Variants in MYOF observed in about 807,000 individuals in gnomAD.
The protein encoded by MYOF is myoferlin, also known as fer-1-like 3, myoferlin.
In MYOF, 244 loss-of-function variants were observed where a neutral mutation model predicts 284.2. That is an observed-to-expected ratio of 0.86 (90% CI 0.77 to 0.95). The LOEUF (loss-of-function observed/expected upper bound fraction) is 0.95, where lower values mean the gene tolerates loss of function less well. MYOF is among the 40% of genes least tolerant of loss of function. MYOF has a pLI of 0.00. For synonymous variants in MYOF, 904 were observed against 919.7 expected, an observed-to-expected ratio of 0.98 and a Z score of 0.31; for missense variants, 2,496 against 2,560.6, an observed-to-expected ratio of 0.97 and a Z score of 0.54.
intron 26 of MYOF, among the ~76,000 whole-genome samples, chr10:93,365,407 GTTTA>G (rs1438464396): frequency 1.3e-5 from 2 of 152,130 alleles, no homozygotes; most frequent in African/African-American, 4.8e-5. Context: ...ACCTTCTACT[GTTTA>G]TTTTTTTCTT....
At chr10:93,480,655 T>A (rs1394074936) in intron 1 of MYOF, among the ~76,000 whole-genome samples, 2 of 151,920 alleles carry the variant, frequency 1.3e-5, no homozygotes, top group East Asian at 3.9e-4. Flanking sequence ...TTTGTATTTT[T>A]AGTAGAGATG....
At position 93,482,250 on chromosome 10, in the gene MYOF, G is replaced by T; in HGVS notation, c.-56C>A. On this transcript the variant is annotated 5_prime_UTR_variant, in exon 1 of 54. Coordinates refer to ENST00000359263, the MANE Select transcript of MYOF (RefSeq NM_013451.4). ...CAAACGAAGTGGAGACTAGGGCGCT[G>T]GAGCTCCGGGTCGCACCGCCCTGGG... 6.9e-7 allele frequency: 1 copy of T among 1,446,112 alleles called. No homozygotes were observed. The highest frequency in any genetic ancestry group is 1.2e-5 in the South Asian group (1 of 85,092). 89.6% of individuals were successfully genotyped at this position (1,446,112 alleles called of 1,614,324 possible).
Position 93,393,023 on chromosome 10 carries a change from G to A in MYOF, c.1418-68C>T, listed in dbSNP as rs573712604. 2.1e-5 allele frequency: 29 copies of A among 1,411,154 alleles called. No homozygotes were observed. The South Asian group carries it at 2.6e-4, about 13-fold the overall frequency. The allele number at this position is 1,411,154 out of a possible 1,614,324, so 87.4% of individuals were successfully genotyped here. On this transcript the variant is annotated intron_variant, in intron 16 of 53. Coordinates refer to ENST00000359263, the MANE Select transcript of MYOF (RefSeq NM_013451.4). Reference sequence around the variant, plus strand: ...GCATTATAAAACAGACATTGAAAACGTTAATCAAATCCAGTGCCAGGTATG... The same window carrying A: ...GCATTATAAAACAGACATTGAAAACATTAATCAAATCCAGTGCCAGGTATG...
At position 93,369,642 on chromosome 10, in the gene MYOF, T is replaced by C. The variant is rs1845494952; in HGVS notation, c.2589+3A>G. 6.2e-7 allele frequency: 1 copy of C among 1,613,926 alleles called. No homozygotes were observed. The highest frequency in any genetic ancestry group is 1.1e-5 in the South Asian group (1 of 91,080). On this transcript the variant is annotated splice_donor_region_variant and intron_variant, in intron 25 of 53. Transcript: ENST00000359263. Reference sequence around the variant, plus strand: ...GAAAAGATAGTGAAATCATTAAAGGTACCATTTCAGCAAAGACGGTGAAAG... The same window carrying C: ...GAAAAGATAGTGAAATCATTAAAGGCACCATTTCAGCAAAGACGGTGAAAG...
At chr10:93,374,990 T>C in intron 22 of MYOF, 35 bp from the exon 23 acceptor site, 1 of 1,586,480 alleles carries the variant, frequency 6.3e-7, no homozygotes, top group Non-Finnish European at 8.6e-7. Flanking sequence ...ACAGAGGATT[T>C]GAAGAATAAC....
intron 39 of MYOF, chr10:93,338,610 C>G (rs150102882): frequency 4.6e-6 from 2 of 433,262 alleles, no homozygotes; most frequent in Non-Finnish European, 4.6e-6. Flanking sequence ...AAACGTGAAA[C>G]GAAAGGCAGG....
intron 53 of MYOF, among the ~76,000 whole-genome samples, chr10:93,309,003 C>T (rs776356028): frequency 2.6e-5 from 4 of 152,272 alleles, no homozygotes; most frequent in South Asian, 2.1e-4. Context: ...TGAGCCACCT[C>T]GCCCAGCTGA....
chr10:93,323,322 T>G lies in MYOF; in HGVS notation c.5308A>C (p.Ser1770Arg). 6.2e-7 allele frequency: 1 copy of G among 1,613,938 alleles called. No homozygotes were observed. Among genetic ancestry groups the G allele is most frequent in the East Asian group, 2.2e-5 (1 of 44,866 alleles). Residue 1770 changes from serine to arginine, a missense_variant, in exon 47 of 54, where the codon AGT (serine) becomes CGT (arginine). Physicochemically the swap from Ser to Arg is moderately radical, Grantham distance 110. Around this residue, in one of 3 missense-constraint regions of MYOF, gnomAD observed 2,436 missense variants for 2,480.7 expected, o/e 0.98. Coordinates refer to ENST00000359263, the MANE Select transcript of MYOF (RefSeq NM_013451.4). The part of the protein sequence containing the change: ...LQMWVDVFPK[S>R]LGPPGPPFNI... ...AAAGGAGGGCCTGGTGGCCCCAAAC[T>G]CTTGGGGAAAACATCCACCCACATC...
At position 93,313,135 on chromosome 10, in the gene MYOF, G is replaced by A. The variant is rs199884146; in HGVS notation, c.5774C>T (p.Pro1925Leu). The A allele has an allele frequency of 2.3e-4, 374 of 1,614,080 alleles. No individual in the cohort carries two copies. In the Middle Eastern group the frequency reaches 2.8e-3, roughly 12 times the overall value. ...AAGGGGGTTCATGGCTTTGAGGTCCGGAATCATGTCCAATCTGCATTTCTC... is the reference window on the plus strand; with the variant it reads ...AAGGGGGTTCATGGCTTTGAGGTCCAGAATCATGTCCAATCTGCATTTCTC... ...SPEKCRLDMIPDLKAMNPLKA... is the reference protein window; with the variant it reads ...SPEKCRLDMILDLKAMNPLKA... The change falls in exon 51 of 54, where the codon CCG becomes CTG. Residue 1925 changes from proline (P) to leucine (L), a missense_variant. Physicochemically the swap from Pro to Leu is moderately conservative, Grantham distance 98. Around this residue, in one of 3 missense-constraint regions of MYOF, gnomAD observed 2,436 missense variants for 2,480.7 expected, o/e 0.98. Transcript: ENST00000359263.
At chr10:93,354,909 G>T (rs940473933) in intron 31 of MYOF, among the ~76,000 whole-genome samples, 2 of 152,208 alleles carry the variant, frequency 1.3e-5, no homozygotes, top group Non-Finnish European at 2.9e-5. Flanking sequence ...GTTATAATAT[G>T]TACAGGTCCT....
chr10:93,476,933 G>T (rs533119132), intron 1 of MYOF, among the ~76,000 whole-genome samples: 1 of 152,296 alleles, frequency 6.6e-6, no homozygotes, highest in Non-Finnish European at 1.5e-5. Context: ...CACAAGACCA[G>T]AAGGGAGAGA....
chr10:93,368,232 G>A (rs764848748), intron 25 of MYOF, among the ~76,000 whole-genome samples: 3 of 152,188 alleles, frequency 2.0e-5, no homozygotes, highest in African/African-American at 4.8e-5. Flanking sequence ...CCTCCCTAGT[G>A]GCCTCCAGCA....
intron 22 of MYOF, among the ~76,000 whole-genome samples, chr10:93,376,791 T>C (rs1241161924): frequency 2.6e-5 from 4 of 152,222 alleles, no homozygotes; most frequent in African/African-American, 4.8e-5. Flanking sequence ...AAAGGTCCGC[T>C]GGTTCAAGTC....
At chr10:93,397,031 T>C (rs1343280158) in intron 15 of MYOF, among the ~76,000 whole-genome samples, 1 of 152,206 alleles carries the variant, frequency 6.6e-6, no homozygotes, top group East Asian at 1.9e-4. Flanking sequence ...GTTCCCCTTC[T>C]TTTGTTTATG....
intron 51 of MYOF, 131 bp downstream of exon 51, chr10:93,312,889 T>C: frequency 1.1e-6 from 1 of 933,162 alleles, no homozygotes; most frequent in Non-Finnish European, 1.6e-6. Context: ...AGACAAACTG[T>C]TCCCATAACT....
chr10:93,441,396 T>C (rs1156444026), intron 3 of MYOF, among the ~76,000 whole-genome samples: 2 of 152,064 alleles, frequency 1.3e-5, no homozygotes, highest in African/African-American at 4.8e-5. Context: ...ATTTCTTTTT[T>C]TTTTTGGAGA....
intron 46 of MYOF, among the ~76,000 whole-genome samples, chr10:93,325,026 C>T (rs787681): frequency 0.53 from 79,887 of 151,950 alleles, 21,806 homozygotes; most frequent in East Asian, 0.91. Context: ...GATCCACCTG[C>T]CTCGACCTCC....
intron 16 of MYOF, among the ~76,000 whole-genome samples, chr10:93,394,362 A>G (rs1846858380): frequency 6.6e-6 from 1 of 150,834 alleles, no homozygotes; most frequent in African/African-American, 2.5e-5. Flanking sequence ...TTGGCCTCCC[A>G]AAGTGCTGGG....
intron 20 of MYOF, 127 bp from the exon 21 acceptor site, chr10:93,380,114 G>A: frequency 8.3e-7 from 1 of 1,210,348 alleles, no homozygotes; most frequent in African/African-American, 1.5e-5. Context: ...AGGTGGTCTG[G>A]TTCTTTAATT....
Sources: gnomAD v4.1 joint callset for allele counts (sites outside exome capture counted in the v4.1 genomes callset) on GRCh38, gnomAD v4.1.1 for gene constraint, gnomAD v4.1.1 regional missense constraint, MANE v1.5 for transcripts, NCBI Gene and HGNC (gene_info 2026-07-23, HGNC 2026-07-21) for gene names.